PHLPP1: variants seen among roughly 807,000 people sequenced by gnomAD.
PHLPP1 encodes the protein PH domain leucine-rich repeat-containing protein phosphatase 1.
PHLPP1 carries 42 observed loss-of-function variants against 117.2 expected under a neutral mutation model. The observed-to-expected ratio is 0.36, with a 90% CI of 0.28 to 0.46. The LOEUF is 0.46. PHLPP1 is among the 20% of genes least tolerant of loss of function. The pLI, the probability that PHLPP1 is intolerant of heterozygous loss-of-function variation, is 1.00. For missense variants in PHLPP1, 2,084 were observed against 2,241.9 expected (o/e 0.93, Z 1.42); for synonymous variants, 1,042 against 970.7 (o/e 1.07, Z -1.37).
intron 1 of PHLPP1, among the ~76,000 whole-genome samples, chr18:62,818,728 T>A (rs1914361532): frequency 2.6e-5 from 4 of 152,192 alleles, no homozygotes; most frequent in Admixed American, 6.5e-5. Context: ...AGACTTATTT[T>A]AAAAATTCTC....
intron 6 of PHLPP1, among the ~76,000 whole-genome samples, chr18:62,898,493 C>A (rs914423540): frequency 3.3e-5 from 5 of 152,176 alleles, no homozygotes; most frequent in African/African-American, 1.2e-4. Context: ...CAAGCAAGCA[C>A]AATTTTGCTC....
intron 2 of PHLPP1, chr18:62,838,140 G>A (rs978862796): frequency 1.3e-5 from 2 of 151,778 alleles, no homozygotes; most frequent in Admixed American, 1.3e-4. Context: ...AGTTTTTCTA[G>A]AATTATTTAG....
chr18:62,870,908 G>C (rs1185160142), intron 4 of PHLPP1, among the ~76,000 whole-genome samples: 1 of 152,156 alleles, frequency 6.6e-6, no homozygotes, highest in Non-Finnish European at 1.5e-5. Flanking sequence ...CTTCAAGTTA[G>C]TTTTCAAAAT....
intron 10 of PHLPP1, among the ~76,000 whole-genome samples, chr18:62,928,369 A>G (rs1366011033): frequency 1.3e-5 from 2 of 152,172 alleles, no homozygotes; most frequent in Non-Finnish European, 2.9e-5. Context: ...TTGAATAGAC[A>G]TGTCTCAAAA....
intron 9 of PHLPP1, 56 bp downstream of exon 9, chr18:62,915,064 T>A: frequency 7.7e-7 from 1 of 1,298,854 alleles, no homozygotes; most frequent in Non-Finnish European, 1.1e-6. Context: ...ATTTTAAAAA[T>A]TGCTGATTCA....
At chr18:62,950,462 G>A (rs1221828741) in intron 12 of PHLPP1, among the ~76,000 whole-genome samples, 11 of 152,194 alleles carry the variant, frequency 7.2e-5, no homozygotes, top group Non-Finnish European at 1.5e-4. Flanking sequence ...ATTCCAGCAA[G>A]CCCTGTTTGT....
rs747365216 is a variant in PHLPP1, at chr18:62,975,636, A to G, written c.3984+11A>G. The G allele has an allele frequency of 6.4e-7, 1 of 1,564,200 alleles. No homozygotes were observed. The highest frequency in any genetic ancestry group is 1.4e-5 in the African/African-American group (1 of 74,066). ...GCCATTATCACTGAGGTGAGAAAAC[A>G]GGGGTGTTGCCCAGGATGGTGGAGA... On this transcript the variant is annotated intron_variant, in intron 16 of 16. Transcript: ENST00000262719.
At chr18:62,934,951 A>G (rs1042674485) in intron 10 of PHLPP1, among the ~76,000 whole-genome samples, 1 of 152,192 alleles carries the variant, frequency 6.6e-6, no homozygotes, top group Non-Finnish European at 1.5e-5. Context: ...CCCCATTGGT[A>G]TTTCTACTAA....
intron 2 of PHLPP1, among the ~76,000 whole-genome samples, chr18:62,832,485 G>A (rs1027781754): frequency 2.0e-5 from 3 of 152,182 alleles, no homozygotes; most frequent in Admixed American, 6.5e-5. Context: ...CAGCAGATCC[G>A]GTTATAATTA....
At chr18:62,765,243 A>T (rs1912429096) in intron 1 of PHLPP1, among the ~76,000 whole-genome samples, 1 of 151,940 alleles carries the variant, frequency 6.6e-6, no homozygotes. Flanking sequence ...CTCATGTTCG[A>T]TGCTACGATC....
At chr18:62,873,485 ATTGT>A (rs887666869) in intron 4 of PHLPP1, among the ~76,000 whole-genome samples, 174 of 152,332 alleles carry the variant, frequency 1.1e-3, no homozygotes, top group African/African-American at 4.1e-3. Flanking sequence ...TAATGTTTCA[ATTGT>A]TTGTTTATGG....
At chr18:62,970,774 T>A (rs764373174) in intron 14 of PHLPP1, among the ~76,000 whole-genome samples, 1 of 151,898 alleles carries the variant, frequency 6.6e-6, no homozygotes, top group Non-Finnish European at 1.5e-5. Context: ...CAAAAAAAAA[T>A]GAAACAAAAA....
intron 1 of PHLPP1, among the ~76,000 whole-genome samples, chr18:62,727,167 G>A (rs929322696): frequency 1.3e-5 from 2 of 150,336 alleles, no homozygotes; most frequent in Non-Finnish European, 3.0e-5. Flanking sequence ...GGTGAAGGTT[G>A]CAGTGAGCCG....
chr18:62,943,164 AC>A (rs1186418464), intron 11 of PHLPP1, among the ~76,000 whole-genome samples: 1 of 152,128 alleles, frequency 6.6e-6, no homozygotes, highest in Non-Finnish European at 1.5e-5. Flanking sequence ...GTAATCACCC[AC>A]CCTAAGTGCA....
At chr18:62,782,355 A>G (rs1303975719) in intron 1 of PHLPP1, among the ~76,000 whole-genome samples, 1 of 152,218 alleles carries the variant, frequency 6.6e-6, no homozygotes, top group Non-Finnish European at 1.5e-5. Flanking sequence ...CTAAGGTGTA[A>G]GGAGCAAGAT....
At chr18:62,946,911 G>A (rs556867740) in intron 12 of PHLPP1, among the ~76,000 whole-genome samples, 2 of 152,082 alleles carry the variant, frequency 1.3e-5, no homozygotes, top group East Asian at 1.9e-4. Flanking sequence ...AAATTAGCCG[G>A]GCATGGTGGC....
At chr18:62,777,551 T>C (rs527585311) in intron 1 of PHLPP1, among the ~76,000 whole-genome samples, 2 of 151,398 alleles carry the variant, frequency 1.3e-5, no homozygotes, top group Middle Eastern at 3.4e-3. Flanking sequence ...GGTGTTGTTT[T>C]GAAAAGCAGA....
intron 1 of PHLPP1, among the ~76,000 whole-genome samples, chr18:62,787,030 CATTT>C (rs999346970): frequency 6.6e-5 from 10 of 152,016 alleles, no homozygotes; most frequent in African/African-American, 2.2e-4. Context: ...TGCATTCATT[CATTT>C]ATTTATTTAT....
intron 4 of PHLPP1, among the ~76,000 whole-genome samples, chr18:62,893,284 A>T (rs1163289722): frequency 6.6e-6 from 1 of 152,150 alleles, no homozygotes; most frequent in Non-Finnish European, 1.5e-5. Flanking sequence ...ACCTCAGGTG[A>T]TCTGCCCACC....
Sources: allele counts gnomAD v4.1 joint callset (sites outside exome capture counted in the v4.1 genomes callset), GRCh38; gene constraint gnomAD v4.1.1; transcripts MANE v1.5; gene names NCBI Gene and HGNC (gene_info 2026-07-23, HGNC 2026-07-21).